The following TRHDE variants were observed in gnomAD, a reference collection of about 807,000 sequenced individuals.
TRHDE encodes thyrotropin-releasing hormone-degrading ectoenzyme.
A neutral mutation model predicts 125.7 loss-of-function variants in TRHDE; 72 were observed. The ratio of observed to expected loss-of-function variants is 0.57; its 90% CI spans 0.47 to 0.70. The LOEUF (loss-of-function observed/expected upper bound fraction) is 0.70. TRHDE is among the 30% of genes least tolerant of loss of function. TRHDE has a pLI of 0.00. For missense variants in TRHDE, 1,110 were observed against 1,327.1 expected, an observed-to-expected ratio of 0.84 and a Z score of 2.54; for synonymous variants, 509 against 509.1, an observed-to-expected ratio of 1.00 and a Z score of 0.00.
At chr12:72,453,800 A>G (rs1339250078) in intron 3 of TRHDE, among the ~76,000 whole-genome samples, 1 of 152,186 alleles carries the variant, frequency 6.6e-6, no homozygotes, top group Non-Finnish European at 1.5e-5. Flanking sequence ...GCTGTGGCTC[A>G]AAGGGGCCCG....
intron 2 of TRHDE, among the ~76,000 whole-genome samples, chr12:72,163,366 T>C (rs1876675883): frequency 6.6e-6 from 1 of 152,220 alleles, no homozygotes; most frequent in African/African-American, 2.4e-5. Flanking sequence ...GGTTCTCTTC[T>C]TGCAGTATCT....
At chr12:72,485,624 C>A (rs1309222222) in intron 5 of TRHDE, among the ~76,000 whole-genome samples, 1 of 152,110 alleles carries the variant, frequency 6.6e-6, no homozygotes, top group Admixed American at 6.5e-5. Context: ...CCCTGGGGAG[C>A]CAAGTCTCAG....
chr12:72,664,579 AGCTCTCCAAACGTT>A lies in TRHDE; in HGVS notation c.*1388_*1401del, dbSNP rs1875045204. ...AAATGGTATTCTCACCCAGTAGGCC[AGCTCTCCAAACGTT>A]GCTTAGATGCTTCAAAATTAGCATA... On this transcript the variant is annotated 3_prime_UTR_variant, in exon 19 of 19. Coordinates refer to ENST00000261180, the MANE Select transcript of TRHDE (RefSeq NM_013381.3). The A allele has an allele frequency of 1.3e-5, 2 of 152,144 alleles. No homozygotes were observed. Among genetic ancestry groups the A allele is most frequent in the African/African-American group, 4.8e-5 (2 of 41,436 alleles). The allele number at this position is 152,144 out of a possible 1,614,324, so 9.4% of individuals were successfully genotyped here. A position where few individuals can be genotyped will look rare whatever the true frequency, so the allele number is the denominator to read the frequency against.
At chr12:72,447,495 T>G (rs1875352894) in intron 3 of TRHDE, among the ~76,000 whole-genome samples, 1 of 152,020 alleles carries the variant, frequency 6.6e-6, no homozygotes, top group Non-Finnish European at 1.5e-5. Context: ...GGGCAGTATT[T>G]TGAGTAGTAA....
At position 72,416,716 on chromosome 12, in the gene TRHDE, A is replaced by G. The variant is rs1873746031; in HGVS notation, c.1315+38595A>G. On this transcript the variant is annotated intron_variant, in intron 3 of 18. Coordinates refer to ENST00000261180, the MANE Select transcript of TRHDE (RefSeq NM_013381.3). ...ATGTGGATTTATTTCTGGGTTCTCT[A>G]TTCTGTTTCATTGGTCTATGTGTCT... 2.6e-5 allele frequency among the ~76,000 whole-genome samples: 4 copies of G among 151,976 alleles called. No individual in the cohort carries two copies. In the South Asian group the frequency reaches 8.3e-4, roughly 31 times the overall value.
intron 15 of TRHDE, among the ~76,000 whole-genome samples, chr12:72,641,396 T>C (rs1317861300): frequency 1.3e-5 from 2 of 152,144 alleles, no homozygotes; most frequent in African/African-American, 4.8e-5. Context: ...AATATATGAG[T>C]TTAAGAAAAG....
chr12:72,344,807 A>G (rs1197077974), intron 2 of TRHDE, among the ~76,000 whole-genome samples: 3 of 152,064 alleles, frequency 2.0e-5, no homozygotes, highest in African/African-American at 4.8e-5. Flanking sequence ...CTGGTCAAGC[A>G]TCATGAGGAA....
chr12:72,302,140 G>C (rs1321664154), intron 2 of TRHDE, among the ~76,000 whole-genome samples: 1 of 152,078 alleles, frequency 6.6e-6, no homozygotes, highest in African/African-American at 2.4e-5. Flanking sequence ...TGGGTTTGTG[G>C]AAGAATTGCT....
At chr12:72,432,581 C>G (rs1874541999) in intron 3 of TRHDE, among the ~76,000 whole-genome samples, 1 of 152,016 alleles carries the variant, frequency 6.6e-6, no homozygotes, top group Admixed American at 6.6e-5. Flanking sequence ...GTGTCTTTTC[C>G]CTATAGTTTT....
intron 12 of TRHDE, among the ~76,000 whole-genome samples, chr12:72,586,767 CACCAGGTGGTCATGCTA>C (rs1234643515): frequency 6.9e-6 from 1 of 145,644 alleles, no homozygotes; most frequent in African/African-American, 2.6e-5. Flanking sequence ...CTCTCCAGGA[CACCAGGTGGTCATGCTA>C]ACCAAAATGA....
intron 3 of TRHDE, among the ~76,000 whole-genome samples, chr12:72,399,554 C>T (rs1400892967): frequency 6.6e-6 from 1 of 152,058 alleles, no homozygotes; most frequent in South Asian, 2.1e-4. Context: ...GTTTCAAATT[C>T]TATTTCTCAC....
intron 2 of TRHDE, among the ~76,000 whole-genome samples, chr12:72,322,579 C>T (rs996098200): frequency 6.8e-6 from 1 of 147,308 alleles, no homozygotes; most frequent in African/African-American, 2.5e-5. Context: ...CAGAAGCTCA[C>T]AGTAACTTAA....
chr12:72,398,392 C>T (rs1006765351), intron 3 of TRHDE, among the ~76,000 whole-genome samples: 1 of 152,084 alleles, frequency 6.6e-6, no homozygotes, highest in African/African-American at 2.4e-5. Flanking sequence ...AGTTCTAGAT[C>T]CCTGAGGAAT....
At chr12:72,557,829 A>G (rs1444780330) in intron 7 of TRHDE, among the ~76,000 whole-genome samples, 1 of 152,206 alleles carries the variant, frequency 6.6e-6, no homozygotes, top group Non-Finnish European at 1.5e-5. Context: ...GTATATACTG[A>G]AATAATGAAT....
intron 5 of TRHDE, among the ~76,000 whole-genome samples, chr12:72,491,072 A>G (rs1391187635): frequency 6.6e-6 from 1 of 151,550 alleles, no homozygotes; most frequent in Non-Finnish European, 1.5e-5. Context: ...TTTACTATCT[A>G]TGTATATCCC....
At chr12:72,175,357 G>A (rs1022439981) in intron 2 of TRHDE, among the ~76,000 whole-genome samples, 1 of 152,152 alleles carries the variant, frequency 6.6e-6, no homozygotes, top group Non-Finnish European at 1.5e-5. Context: ...AATTACTACC[G>A]TGGTGTTTGC....
chr12:72,289,457 A>G (rs1446334887), intron 2 of TRHDE, among the ~76,000 whole-genome samples: 1 of 152,164 alleles, frequency 6.6e-6, no homozygotes, highest in Non-Finnish European at 1.5e-5. Flanking sequence ...GGCTGCAGCC[A>G]TGTTTTGTTT....
intron 2 of TRHDE, among the ~76,000 whole-genome samples, chr12:72,238,333 T>TACAC (rs1342009100): frequency 6.2e-4 from 19 of 30,484 alleles, no homozygotes; most frequent in African/African-American, 1.2e-3. Flanking sequence ...CATATATATA[T>TACAC]ACACATTATA....
intron 18 of TRHDE, among the ~76,000 whole-genome samples, chr12:72,661,051 T>A (rs1482937691): frequency 1.3e-5 from 2 of 152,160 alleles, no homozygotes; most frequent in Non-Finnish European, 2.9e-5. Flanking sequence ...GATGAGTAAG[T>A]TCCTCTTAAG....
Sources: allele counts gnomAD v4.1 joint callset (sites outside exome capture counted in the v4.1 genomes callset), GRCh38; gene constraint gnomAD v4.1.1; transcripts MANE v1.5; gene names NCBI Gene and HGNC (gene_info 2026-07-23, HGNC 2026-07-21).